AMBRA1: variants seen among roughly 807,000 people sequenced by gnomAD.
The protein encoded by AMBRA1 is activating molecule in BECN1-regulated autophagy protein 1.
A neutral mutation model predicts 125.4 loss-of-function variants in AMBRA1; 47 were observed. That is an observed-to-expected ratio of 0.37 (90% confidence interval 0.30 to 0.48). The LOEUF (loss-of-function observed/expected upper bound fraction) is 0.48, where lower values mean the gene tolerates loss of function less well. Among genes scored for constraint, AMBRA1 ranks in the 20% least tolerant of loss-of-function variants. The pLI is 0.99. For missense variants in AMBRA1, 1,331 were observed against 1,693.4 expected, an observed-to-expected ratio of 0.79 and a Z score of 3.76; for synonymous variants, 626 against 655.5, an observed-to-expected ratio of 0.95 and a Z score of 0.69.
chr11:46,513,708 T>C (rs141458487), intron 7 of AMBRA1, among the ~76,000 whole-genome samples: 2 of 152,292 alleles, frequency 1.3e-5, no homozygotes, highest in Admixed American at 6.5e-5. Context: ...CAAGAGCATA[T>C]GTATTCAATG....
At chr11:46,418,797 G>C (rs981611935) in intron 14 of AMBRA1, among the ~76,000 whole-genome samples, 2 of 152,128 alleles carry the variant, frequency 1.3e-5, no homozygotes, top group African/African-American at 2.4e-5. Flanking sequence ...GCTCTCCTTA[G>C]AGCCTTTTAG....
At chr11:46,490,376 T>C (rs540281844) in intron 11 of AMBRA1, among the ~76,000 whole-genome samples, 114 of 152,334 alleles carry the variant, frequency 7.5e-4, no homozygotes, top group African/African-American at 2.4e-3. Flanking sequence ...AGATGAATAA[T>C]AGACTATCAA....
chr11:46,515,203 G>A (rs1168298081), intron 7 of AMBRA1, among the ~76,000 whole-genome samples: 1 of 152,210 alleles, frequency 6.6e-6, no homozygotes, highest in Non-Finnish European at 1.5e-5. Context: ...GCTGGGCGTG[G>A]TGCCTCACGC....
At chr11:46,563,389 T>G (rs2043403654) in intron 1 of AMBRA1, among the ~76,000 whole-genome samples, 1 of 152,088 alleles carries the variant, frequency 6.6e-6, no homozygotes, top group African/African-American at 2.4e-5. Context: ...TACGCCCCAG[T>G]AATTTTCTTT....
chr11:46,410,206 G>A, intron 16 of AMBRA1, 70 bp downstream of exon 16: 1 of 1,471,180 alleles, frequency 6.8e-7, no homozygotes, highest in Non-Finnish European at 9.5e-7. Flanking sequence ...CGCTGCTTAA[G>A]AGCCCATCAA....
At chr11:46,445,030 T>C (rs1386230543) in intron 11 of AMBRA1, among the ~76,000 whole-genome samples, 1 of 142,972 alleles carries the variant, frequency 7.0e-6, no homozygotes, top group Non-Finnish European at 1.5e-5. Context: ...ATCATCCCCA[T>C]GGGGGTAAAA....
At chr11:46,512,147 T>A (rs1398520694) in intron 8 of AMBRA1, among the ~76,000 whole-genome samples, 1 of 152,236 alleles carries the variant, frequency 6.6e-6, no homozygotes, top group Non-Finnish European at 1.5e-5. Flanking sequence ...TGAGCCACCA[T>A]GCCCAGCCTC....
chr11:46,537,823 A>G (rs1260460752), intron 7 of AMBRA1, among the ~76,000 whole-genome samples: 2 of 152,198 alleles, frequency 1.3e-5, no homozygotes, highest in Non-Finnish European at 2.9e-5. Flanking sequence ...TCCTTTGCCT[A>G]TCTTCTACTA....
chr11:46,518,424 C>A, intron 7 of AMBRA1: 1 of 125,106 alleles, frequency 8.0e-6, no homozygotes, highest in Non-Finnish European at 1.6e-5. Flanking sequence ...AGCAAGACTC[C>A]GTCTCAAAAA....
chr11:46,477,458 T>C (rs564469127), intron 11 of AMBRA1, among the ~76,000 whole-genome samples: 8 of 147,998 alleles, frequency 5.4e-5, no homozygotes, highest in Admixed American at 3.4e-4. Context: ...GCTGGAACTG[T>C]GGAACTACAT....
chr11:46,410,123 C>T (rs929688616), intron 16 of AMBRA1, among the ~76,000 whole-genome samples, 153 bp downstream of exon 16: 1 of 152,244 alleles, frequency 6.6e-6, no homozygotes, highest in African/African-American at 2.4e-5. Context: ...CAACACTTTT[C>T]TCAAATGAAA....
At chr11:46,521,240 T>C (rs952518489) in intron 7 of AMBRA1, among the ~76,000 whole-genome samples, 8 of 152,248 alleles carry the variant, frequency 5.3e-5, no homozygotes, top group Non-Finnish European at 1.0e-4. Context: ...CTTCATCCCC[T>C]CTGGTCACTT....
At chr11:46,574,816 T>A (rs2043896795) in intron 1 of AMBRA1, among the ~76,000 whole-genome samples, 1 of 152,216 alleles carries the variant, frequency 6.6e-6, no homozygotes, top group Admixed American at 6.5e-5. Flanking sequence ...TTGCCAGCTG[T>A]ATAACCTTTG....
At chr11:46,491,180 T>C (rs1370037384) in intron 11 of AMBRA1, 1 of 151,832 alleles carries the variant, frequency 6.6e-6, no homozygotes, top group Admixed American at 6.5e-5. Context: ...AACACTGAAG[T>C]TCCCTGGGAG....
rs1433754572 is a variant in AMBRA1 at position 46,397,918 on chromosome 11, A to G, written c.3429T>C (p.Ser1143=). 6 of 1,597,356 alleles carry G rather than the reference A, an allele frequency of 3.8e-6. No individual in the cohort carries two copies. The highest frequency in any genetic ancestry group is 3.4e-6 in the Non-Finnish European group (4 of 1,178,114). Residue 1143 remains serine, a synonymous_variant, in exon 18 of 18, where the codon AGT becomes AGC. Transcript: ENST00000683756. ...GEGEGSEYGA[S]GEDALSRIQR... ...GGATCCTGCTGAGCGCATCTTCTCC[A>G]CTGGCACCATACTCTGAACCCTCAC...
chr11:46,452,339 G>C (rs554237041), intron 11 of AMBRA1, among the ~76,000 whole-genome samples: 1 of 151,566 alleles, frequency 6.6e-6, no homozygotes, highest in African/African-American at 2.4e-5. Flanking sequence ...AAGGTTTTTT[G>C]TTGTTGTTGT....
intron 12 of AMBRA1, among the ~76,000 whole-genome samples, chr11:46,439,492 G>A (rs1370954661): frequency 1.3e-5 from 2 of 152,022 alleles, no homozygotes; most frequent in Non-Finnish European, 2.9e-5. Flanking sequence ...AGCCATATGG[G>A]GGGGAAATTG....
intron 14 of AMBRA1, among the ~76,000 whole-genome samples, chr11:46,428,437 C>G (rs1344061382): frequency 6.6e-6 from 1 of 152,084 alleles, no homozygotes; most frequent in Non-Finnish European, 1.5e-5. Flanking sequence ...CTCCTCAACC[C>G]AAGTCAAATG....
chr11:46,560,542 C>T (rs1298850206), intron 1 of AMBRA1, among the ~76,000 whole-genome samples: 2 of 152,112 alleles, frequency 1.3e-5, no homozygotes, highest in African/African-American at 2.4e-5. Context: ...AAATTTGAGA[C>T]TGACAATTTT....
Sources: allele counts gnomAD v4.1 joint callset (sites outside exome capture counted in the v4.1 genomes callset), GRCh38; gene constraint gnomAD v4.1.1; transcripts MANE v1.5; gene names NCBI Gene and HGNC (gene_info 2026-07-23, HGNC 2026-07-21).